The following SLC25A31 variants were observed in gnomAD, a reference collection of about 807,000 sequenced individuals.
SLC25A31 encodes solute carrier family 25 member 31.
SLC25A31 carries 40 observed loss-of-function variants against 36.2 expected under a neutral mutation model. That is an observed-to-expected ratio of 1.10 (90% CI 0.86 to 1.44). The LOEUF (loss-of-function observed/expected upper bound fraction) is 1.44. Among genes scored for constraint, SLC25A31 ranks in the 40% most tolerant of loss-of-function variants. The pLI is 0.00. For synonymous variants in SLC25A31, 143 were observed against 149.7 expected, an observed-to-expected ratio of 0.96 and a Z score of 0.32; for missense variants, 350 against 397.1, an observed-to-expected ratio of 0.88 and a Z score of 1.01.
At chr4:127,749,933 C>G (rs1193042298) in intron 2 of SLC25A31, among the ~76,000 whole-genome samples, 2 of 151,766 alleles carry the variant, frequency 1.3e-5, no homozygotes, top group East Asian at 1.9e-4. Context: ...AAGTCAAAAA[C>G]AAAGAATTTT....
intron 2 of SLC25A31, among the ~76,000 whole-genome samples, chr4:127,759,437 C>G (rs886108966): frequency 2.0e-5 from 3 of 152,070 alleles, no homozygotes; most frequent in African/African-American, 7.2e-5. Flanking sequence ...TTCCCCTTTT[C>G]CTATTTCGAT....
chr4:127,741,426 A>G (rs753204210), intron 1 of SLC25A31, among the ~76,000 whole-genome samples: 12 of 152,150 alleles, frequency 7.9e-5, no homozygotes, highest in Non-Finnish European at 1.8e-4. Flanking sequence ...TTTTTATTAC[A>G]TAAAGATAAA....
chr4:127,735,507 C>G (rs932289269), intron 1 of SLC25A31, among the ~76,000 whole-genome samples: 6 of 152,096 alleles, frequency 3.9e-5, no homozygotes, highest in African/African-American at 1.4e-4. Context: ...TATTTGCTAC[C>G]TGTCTCCCTG....
chr4:127,735,069 G>A (rs1246702551), intron 1 of SLC25A31, among the ~76,000 whole-genome samples: 6 of 152,092 alleles, frequency 3.9e-5, no homozygotes, highest in Admixed American at 2.0e-4. Context: ...AGATTCTGCC[G>A]TGAAAACCAA....
At chr4:127,756,586 TTC>T (rs1732035135) in intron 2 of SLC25A31, among the ~76,000 whole-genome samples, 1 of 152,184 alleles carries the variant, frequency 6.6e-6, no homozygotes, top group African/African-American at 2.4e-5. Context: ...GTTTTAAATG[TTC>T]TCACCACAAA....
chr4:127,757,868 A>G (rs180778795), intron 2 of SLC25A31, among the ~76,000 whole-genome samples: 2 of 152,146 alleles, frequency 1.3e-5, no homozygotes, highest in Admixed American at 1.3e-4. Flanking sequence ...CATTTCTCTG[A>G]TGATTAGTGT....
intron 2 of SLC25A31, among the ~76,000 whole-genome samples, chr4:127,754,309 G>T (rs554913985): frequency 6.6e-6 from 1 of 151,996 alleles, no homozygotes; most frequent in African/African-American, 2.4e-5. Context: ...ACAAGCAAAA[G>T]AAATAAAAGG....
intron 5 of SLC25A31, among the ~76,000 whole-genome samples, chr4:127,771,277 C>T (rs1189604023): frequency 6.6e-6 from 1 of 151,990 alleles, no homozygotes; most frequent in Non-Finnish European, 1.5e-5. Flanking sequence ...TTTATAAGGA[C>T]AGTCATATTG....
At chr4:127,762,724 C>T (rs1732165431) in intron 2 of SLC25A31, among the ~76,000 whole-genome samples, 1 of 151,908 alleles carries the variant, frequency 6.6e-6, no homozygotes, top group South Asian at 2.1e-4. Flanking sequence ...GGAAACCATC[C>T]TGGCTAACAC....
At chr4:127,764,672 C>T (rs1053279827) in intron 3 of SLC25A31, among the ~76,000 whole-genome samples, 2 of 152,024 alleles carry the variant, frequency 1.3e-5, no homozygotes, top group Admixed American at 6.5e-5. Flanking sequence ...AGCTGTGGCT[C>T]CCTTCTAGGT....
rs535695788 is a variant in SLC25A31, at chr4:127,747,784, C to T, written c.360+2985C>T. 1.2e-4 allele frequency among the ~76,000 whole-genome samples: 18 copies of T among 152,200 alleles called. No homozygotes were observed. The South Asian group carries it at 2.9e-3, about 25-fold the overall frequency. ...TTGACTCAGATTGTTAGTTCCACAG[C>T]GTCAGGGTCTCCAAAACTATCCTCA... is the stretch of plus-strand genomic sequence containing the variant. On this transcript the variant is annotated intron_variant, in intron 2 of 5. Coordinates refer to ENST00000281154, the MANE Select transcript of SLC25A31 (RefSeq NM_031291.4).
intron 2 of SLC25A31, among the ~76,000 whole-genome samples, chr4:127,745,339 G>T (rs1183749637): frequency 6.6e-6 from 1 of 150,622 alleles, no homozygotes; most frequent in Non-Finnish European, 1.5e-5. Flanking sequence ...TACTCCCTTG[G>T]TTACAAAATC....
At chr4:127,766,951 T>C in intron 3 of SLC25A31, 115 bp from the exon 4 acceptor site, 2 of 872,100 alleles carry the variant, frequency 2.3e-6, no homozygotes, top group Non-Finnish European at 3.2e-6. Context: ...GTGCCTTCTT[T>C]GTTAGATTTG....
intron 3 of SLC25A31, among the ~76,000 whole-genome samples, chr4:127,764,833 C>A (rs979586097): frequency 6.6e-6 from 1 of 152,010 alleles, no homozygotes. Context: ...ATAAATTGAG[C>A]TCTTACATAT....
intron 2 of SLC25A31, among the ~76,000 whole-genome samples, chr4:127,747,610 G>A (rs1731848241): frequency 6.6e-6 from 1 of 152,070 alleles, no homozygotes; most frequent in South Asian, 2.1e-4. Context: ...TAAAATTTGG[G>A]CATAATAATA....
chr4:127,756,539 A>C (rs1473335013), intron 2 of SLC25A31, among the ~76,000 whole-genome samples: 3 of 152,170 alleles, frequency 2.0e-5, no homozygotes, highest in African/African-American at 7.2e-5. Flanking sequence ...GACTGTAGTT[A>C]ATAATAATGT....
chr4:127,746,890 G>A (rs112668884), intron 2 of SLC25A31, among the ~76,000 whole-genome samples: 5 of 152,228 alleles, frequency 3.3e-5, no homozygotes, highest in South Asian at 2.1e-4. Flanking sequence ...GTCTTCCAGG[G>A]TTTTTATAGT....
chr4:127,765,970 T>C (rs534438502), intron 3 of SLC25A31, among the ~76,000 whole-genome samples: 3 of 152,256 alleles, frequency 2.0e-5, no homozygotes, highest in Non-Finnish European at 4.4e-5. Flanking sequence ...GATTACATTG[T>C]ACATATATAA....
At chr4:127,743,083 A>T (rs952215033) in intron 1 of SLC25A31, among the ~76,000 whole-genome samples, 1 of 149,970 alleles carries the variant, frequency 6.7e-6, no homozygotes, top group South Asian at 2.1e-4. Flanking sequence ...CCTGATTTTA[A>T]GTCTTGGTTG....
Sources: allele counts gnomAD v4.1 joint callset (sites outside exome capture counted in the v4.1 genomes callset), GRCh38; gene constraint gnomAD v4.1.1; transcripts MANE v1.5; gene names NCBI Gene and HGNC (gene_info 2026-07-23, HGNC 2026-07-21).